The following SEMA5B variants were observed in gnomAD, a reference collection of about 807,000 sequenced individuals.
SEMA5B encodes semaphorin-5B.
SEMA5B carries 66 observed loss-of-function variants against 135.0 expected under a neutral mutation model. The observed-to-expected ratio is 0.49, with a 90% CI of 0.40 to 0.60. The LOEUF (loss-of-function observed/expected upper bound fraction) is 0.60. SEMA5B is among the 20% of genes least tolerant of loss of function. SEMA5B has a pLI of 0.00. For synonymous variants in SEMA5B, 690 were observed against 639.5 expected (o/e 1.08, Z -1.19); for missense variants, 1,501 against 1,566.3 (o/e 0.96, Z 0.70).
At chr3:122,922,474 GC>G (rs1282453233) in intron 10 of SEMA5B, 27 bp from the exon 11 acceptor site, 2 of 1,557,672 alleles carry the variant, frequency 1.3e-6, no homozygotes, top group Non-Finnish European at 1.7e-6. Flanking sequence ...GGTCACGCGC[GC>G]CCCGGCCACC....
intron 1 of SEMA5B, among the ~76,000 whole-genome samples, chr3:123,024,052 C>T (rs1324238759): frequency 1.3e-5 from 2 of 152,224 alleles, no homozygotes; most frequent in Admixed American, 1.3e-4. Context: ...AGGTGGCATG[C>T]ACTTCTAATC....
chr3:122,969,364 G>T (rs1355568248), intron 1 of SEMA5B, among the ~76,000 whole-genome samples: 1 of 152,176 alleles, frequency 6.6e-6, no homozygotes, highest in African/African-American at 2.4e-5. Context: ...GGCTGTGGGG[G>T]CACAGAGAAG....
At chr3:122,974,996 T>C (rs1941265907) in intron 1 of SEMA5B, 1 of 152,174 alleles carries the variant, frequency 6.6e-6, no homozygotes, top group Non-Finnish European at 1.5e-5. Flanking sequence ...TGGAGGAGCA[T>C]CTGAAATGCA....
chr3:122,978,380 G>A (rs1402345575), intron 1 of SEMA5B, among the ~76,000 whole-genome samples: 1 of 152,234 alleles, frequency 6.6e-6, no homozygotes, highest in African/African-American at 2.4e-5. Context: ...GGCTGGGGAG[G>A]CGGGGCGTAG....
intron 2 of SEMA5B, among the ~76,000 whole-genome samples, 167 bp downstream of exon 2, chr3:122,960,973 T>TTA (rs1002799577): frequency 2.0e-5 from 3 of 152,172 alleles, no homozygotes; most frequent in Non-Finnish European, 2.9e-5. Flanking sequence ...CAATTTCATG[T>TTA]TATATATATG....
At chr3:122,982,031 T>C (rs566551660) in intron 1 of SEMA5B, among the ~76,000 whole-genome samples, 1 of 152,320 alleles carries the variant, frequency 6.6e-6, no homozygotes, top group Admixed American at 6.5e-5. Flanking sequence ...TGGAGGGCTT[T>C]GGCTGCACTT....
At chr3:122,911,452 G>T (rs529759270) in intron 21 of SEMA5B, 39 bp downstream of exon 21, 4 of 1,593,474 alleles carry the variant, frequency 2.5e-6, no homozygotes, top group Non-Finnish European at 3.4e-6. Context: ...CCGGAGGGCT[G>T]GGAGGACCGC....
chr3:122,997,867 C>G (rs1201951067), intron 1 of SEMA5B, among the ~76,000 whole-genome samples: 1 of 152,178 alleles, frequency 6.6e-6, no homozygotes, highest in East Asian at 1.9e-4. Flanking sequence ...GTGGGCCTCT[C>G]TCCTCGCTGG....
In SEMA5B at chr3:122,913,672, A is replaced by T. The variant is rs1049975074; in HGVS notation, c.2142T>A (p.Asn714Lys). The T allele has an allele frequency of 6.2e-7, 1 of 1,613,460 alleles. No homozygotes were observed. Among genetic ancestry groups the T allele is most frequent in the Non-Finnish European group, 8.5e-7 (1 of 1,179,922 alleles). Residue 714 changes from asparagine to lysine, a missense_variant, in exon 16 of 23, where the codon AAT (asparagine) becomes AAA (lysine). By Grantham distance (94) the Asn-to-Lys change is moderately conservative. This residue lies in a region of SEMA5B where 927 missense variants were observed against 881.6 expected (regional missense o/e 1.05). Coordinates refer to ENST00000357599, the MANE Select transcript of SEMA5B (RefSeq NM_001031702.4). The stretch of plus-strand genomic sequence containing the variant: ...TGGGCACCGGGCAAGGCGTGTTCTC[A>T]TTACAGAACCTGGGGTCGGGGGAGA... ...VGKSREERFC[N>K]ENTPCPVPIF...
chr3:122,962,759 G>T (rs1167541521), intron 1 of SEMA5B, among the ~76,000 whole-genome samples: 1 of 152,210 alleles, frequency 6.6e-6, no homozygotes, highest in Non-Finnish European at 1.5e-5. Flanking sequence ...TGTGCTGGTG[G>T]TGTCAGAGGG....
Position 122,948,506 on chromosome 3 carries a change from C to T in SEMA5B, c.328G>A (p.Asp110Asn). 1 of 1,597,388 alleles carries T rather than the reference C, an allele frequency of 6.3e-7. No homozygotes were observed. The highest frequency in any genetic ancestry group is 8.6e-7 in the Non-Finnish European group (1 of 1,168,384). Reference sequence around the variant, plus strand: ...GGGCCAAGTAGGAAGCAACTCTTACCTTCAAAGGCCACGGTGGGGTGCTTG... The same window carrying T: ...GGGCCAAGTAGGAAGCAACTCTTACTTTCAAAGGCCACGGTGGGGTGCTTG... ...LSKHPTVAFE[D>N]LQPWVSNFTY... Residue 110 changes from aspartate to asparagine, a missense_variant and splice_region_variant, in exon 3 of 23, where the codon GAC becomes AAC. Asp to Asn is a conservative substitution (Grantham distance 23, BLOSUM62 1). This residue lies in a region of SEMA5B where 574 missense variants were observed against 684.7 expected (regional missense o/e 0.84). Transcript: ENST00000357599.
chr3:122,961,447 T>C, intron 1 of SEMA5B, 146 bp from the exon 2 acceptor site: 1 of 741,502 alleles, frequency 1.3e-6, no homozygotes, highest in Middle Eastern at 2.8e-4. Context: ...ATCACCACAG[T>C]AATGGCTTGA....
chr3:122,929,834 C>T (rs1392887249), intron 5 of SEMA5B, among the ~76,000 whole-genome samples: 1 of 152,220 alleles, frequency 6.6e-6, no homozygotes, highest in Non-Finnish European at 1.5e-5. Context: ...CATGTTCTCA[C>T]ATGCCCATGG....
intron 5 of SEMA5B, among the ~76,000 whole-genome samples, chr3:122,934,454 C>A (rs1019869627): frequency 5.9e-5 from 9 of 152,160 alleles, no homozygotes; most frequent in African/African-American, 1.4e-4. Context: ...CATGTTCAGT[C>A]ATGCCACCTG....
intron 4 of SEMA5B, among the ~76,000 whole-genome samples, chr3:122,941,384 G>A (rs1939555572): frequency 6.6e-6 from 1 of 152,242 alleles, no homozygotes. Flanking sequence ...TTCTGGGGAA[G>A]CCGCAGAGCG....
At chr3:122,974,737 G>A (rs1299796344) in intron 1 of SEMA5B, among the ~76,000 whole-genome samples, 1 of 152,198 alleles carries the variant, frequency 6.6e-6, no homozygotes, top group African/African-American at 2.4e-5. Context: ...CCTTCTTGGA[G>A]ACAGAAAGAT....
chr3:122,909,989 A>T lies in SEMA5B; in HGVS notation c.*154T>A. ...CTTTCCCCCATGGTCAATGCCAGCC[A>T]GAGCTCTCTGAAGCCGGATGGGACC... On this transcript the variant is annotated 3_prime_UTR_variant, in exon 23 of 23. Transcript: ENST00000357599. 1 of 753,614 alleles carries T rather than the reference A, an allele frequency of 1.3e-6. No individual in the cohort carries two copies. The highest frequency in any genetic ancestry group is 2.1e-6 in the Non-Finnish European group (1 of 466,048). 46.7% of individuals were successfully genotyped at this position (753,614 alleles called of 1,614,324 possible).
rs567797830 is a variant in SEMA5B, at chr3:122,928,899, G to T, written c.537+97C>A. On this transcript the variant is annotated intron_variant, in intron 6 of 22. Transcript: ENST00000357599. ...AGCTCATCCTGGCCAGGCCTCTCTA[G>T]CAGGGGACCTCAGTCCACACAGTGC... The T allele has an allele frequency of 6.4e-6, 8 of 1,254,188 alleles. No homozygotes were observed. The Admixed American group carries it at 9.5e-5, about 15-fold the overall frequency. The allele number at this position is 1,254,188 out of a possible 1,614,324, so 77.7% of individuals were successfully genotyped here.
At chr3:122,927,732 TG>T in intron 8 of SEMA5B, 57 bp downstream of exon 8, 1 of 1,246,946 alleles carries the variant, frequency 8.0e-7, no homozygotes, top group Non-Finnish European at 1.1e-6. Flanking sequence ...GGGCTCAGGG[TG>T]GGCTGGTGGG....
Sources: gnomAD v4.1 joint callset for allele counts (sites outside exome capture counted in the v4.1 genomes callset) on GRCh38, gnomAD v4.1.1 for gene constraint, gnomAD v4.1.1 regional missense constraint, MANE v1.5 for transcripts, NCBI Gene and HGNC (gene_info 2026-07-23, HGNC 2026-07-21) for gene names.